Variants in NAV2 observed in about 807,000 individuals in gnomAD.
The protein encoded by NAV2 is neuron navigator 2.
Under a neutral mutation model 223.2 loss-of-function variants are expected in NAV2, and 54 were observed. The observed-to-expected ratio is 0.24, with a 90% CI of 0.19 to 0.30. NAV2 has a LOEUF of 0.30. NAV2 is among the 10% of genes least tolerant of loss of function. NAV2 has a pLI of 1.00. For synonymous variants in NAV2, 1,279 were observed against 1,239.3 expected (o/e 1.03, Z -0.67); for missense variants, 2,806 against 3,147.5 (o/e 0.89, Z 2.60).
chr11:19,708,014 C>A (rs1245232674), upstream of NAV2, among the ~76,000 whole-genome samples: 3 of 152,204 alleles, frequency 2.0e-5, no homozygotes, highest in Non-Finnish European at 4.4e-5. Context: ...CACATACATA[C>A]CCCTCACACT....
chr11:20,035,523 A>G (rs2056262270), intron 11 of NAV2, among the ~76,000 whole-genome samples: 1 of 152,168 alleles, frequency 6.6e-6, no homozygotes, highest in Non-Finnish European at 1.5e-5. Context: ...TGAAGTCTGC[A>G]GAAGTCATAC....
At chr11:20,003,518 G>A (rs2052761499) in intron 11 of NAV2, among the ~76,000 whole-genome samples, 2 of 152,092 alleles carry the variant, frequency 1.3e-5, no homozygotes, top group African/African-American at 4.8e-5. Flanking sequence ...GACTCCCAGG[G>A]GTAAATGACT....
chr11:20,014,170 C>T (rs1398644679), intron 11 of NAV2, among the ~76,000 whole-genome samples: 1 of 152,128 alleles, frequency 6.6e-6, no homozygotes, highest in Non-Finnish European at 1.5e-5. Flanking sequence ...CAATCCCTTC[C>T]TTCTCCCCGA....
chr11:20,062,429 A>G, intron 20 of NAV2, 70 bp downstream of exon 20: 1 of 1,146,060 alleles, frequency 8.7e-7, no homozygotes, highest in Non-Finnish European at 1.3e-6. Context: ...TGTGTCAAGA[A>G]TAAAATATAT....
intron 3 of NAV2, among the ~76,000 whole-genome samples, chr11:19,843,710 CT>C (rs2060628802): frequency 6.8e-6 from 1 of 147,984 alleles, no homozygotes. Context: ...AAGGTGGCAA[CT>C]TAAGGACAAC....
At chr11:19,370,359 G>T (rs978748339) in intron 1 of NAV2, among the ~76,000 whole-genome samples, 1 of 152,212 alleles carries the variant, frequency 6.6e-6, no homozygotes, top group African/African-American at 2.4e-5. Context: ...AAGCTGCATT[G>T]TACTACTTGT....
intron 3 of NAV2, among the ~76,000 whole-genome samples, chr11:19,864,689 A>T (rs910042302): frequency 1.3e-5 from 2 of 152,162 alleles, no homozygotes; most frequent in African/African-American, 4.8e-5. Context: ...TGAGAAACTA[A>T]ACTTTGGGAT....
At chr11:19,688,439 A>G (rs892702764) in intron 1 of NAV2, among the ~76,000 whole-genome samples, 3 of 152,218 alleles carry the variant, frequency 2.0e-5, no homozygotes, top group African/African-American at 4.8e-5. Flanking sequence ...TAACAGAGGT[A>G]CACAAACCAT....
At chr11:19,415,593 A>C (rs1850332052) in intron 1 of NAV2, among the ~76,000 whole-genome samples, 1 of 152,252 alleles carries the variant, frequency 6.6e-6, no homozygotes, top group African/African-American at 2.4e-5. Context: ...AACTCTTTTT[A>C]TGAGACCAGC....
At chr11:19,620,198 C>T (rs1476736580) in intron 1 of NAV2, among the ~76,000 whole-genome samples, 1 of 152,192 alleles carries the variant, frequency 6.6e-6, no homozygotes, top group African/African-American at 2.4e-5. Flanking sequence ...TAGCATGATG[C>T]CTCCAGCTTT....
chr11:19,805,811 A>G (rs2058527652), intron 1 of NAV2, among the ~76,000 whole-genome samples: 1 of 152,216 alleles, frequency 6.6e-6, no homozygotes, highest in Non-Finnish European at 1.5e-5. Flanking sequence ...AAACCAGAGC[A>G]TTCACATCTC....
exon 1 of NAV2, chr11:19,350,978 A>G: frequency 1.9e-6 from 3 of 1,551,768 alleles, no homozygotes; most frequent in South Asian, 1.2e-5. Context: ...GAGTCCAGCC[A>G]ACAGCAGAAG....
chr11:19,412,512 G>A (rs952732104), intron 1 of NAV2, among the ~76,000 whole-genome samples: 3 of 151,856 alleles, frequency 2.0e-5, no homozygotes, highest in South Asian at 2.1e-4. Context: ...AGACTTAAAC[G>A]TCTGCTGAAA....
Position 19,584,647 on chromosome 11 carries a change from G to A in NAV2, c.75+233620G>A, listed in dbSNP as rs551512022. ...TCATTTCGTTATGTACCCAGTAGTC[G>A]TTCAGGAGCAGGTTGTTCAGTTTCC... is the stretch of plus-strand genomic sequence containing the variant. On this transcript the variant is annotated intron_variant, in intron 1 of 37. Coordinates refer to the NAV2 transcript ENST00000360655. Among the ~76,000 whole-genome samples, 7 of 152,186 alleles carry A rather than the reference G, an allele frequency of 4.6e-5. 1 individual carries two copies. Among genetic ancestry groups the A allele is most frequent in the South Asian group, 4.2e-4 (2 of 4,818 alleles).
At chr11:19,916,743 T>C (rs1309657250) in intron 6 of NAV2, among the ~76,000 whole-genome samples, 1 of 152,244 alleles carries the variant, frequency 6.6e-6, no homozygotes, top group East Asian at 1.9e-4. Context: ...ATGGGGTCTC[T>C]GGTGCAGCTA....
In NAV2 at chr11:19,679,863, T is replaced by TA. The variant is rs1271240761; in HGVS notation, c.76-152621_76-152620insA. ...CTAACATAGAACTTAACACATAATG[T>TA]GTGCTCCTTAAATACCTGAGGAATG... On this transcript the variant is annotated intron_variant, in intron 1 of 37. Transcript: ENST00000360655. 2.6e-5 allele frequency among the ~76,000 whole-genome samples: 4 copies of TA among 152,332 alleles called. No homozygotes were observed. In the East Asian group the frequency reaches 7.7e-4, roughly 29 times the overall value.
At chr11:19,464,122 G>T (rs994058344) in intron 1 of NAV2, among the ~76,000 whole-genome samples, 2 of 152,180 alleles carry the variant, frequency 1.3e-5, no homozygotes, top group Non-Finnish European at 2.9e-5. Flanking sequence ...AGGATCAAGC[G>T]CAGAACCTGA....
chr11:19,547,591 C>G (rs1372241754), intron 1 of NAV2, among the ~76,000 whole-genome samples: 2 of 152,156 alleles, frequency 1.3e-5, no homozygotes, highest in Non-Finnish European at 2.9e-5. Context: ...TTGATCTTCT[C>G]TACCTCTTGT....
At chr11:20,017,040 AAG>A (rs2054072211) in intron 11 of NAV2, among the ~76,000 whole-genome samples, 1 of 146,492 alleles carries the variant, frequency 6.8e-6, no homozygotes, top group Non-Finnish European at 1.5e-5. Context: ...ATAAAAGAAA[AAG>A]AACTTTAACA....
Sources: allele counts gnomAD v4.1 joint callset (sites outside exome capture counted in the v4.1 genomes callset), GRCh38; gene constraint gnomAD v4.1.1; transcripts MANE v1.5; gene names NCBI Gene and HGNC (gene_info 2026-07-23, HGNC 2026-07-21).